Variants in IBTK observed in about 807,000 individuals in gnomAD.
The protein encoded by IBTK is BTK-binding protein.
Under a neutral mutation model 154.9 loss-of-function variants are expected in IBTK, and 83 were observed. That is an observed-to-expected ratio of 0.54 (90% CI 0.45 to 0.64). IBTK has a LOEUF of 0.64. Among genes scored for constraint, IBTK ranks in the 30% least tolerant of loss-of-function variants. The pLI, the probability that IBTK is intolerant of heterozygous loss-of-function variation, is 0.00. For synonymous variants in IBTK, 515 were observed against 536.1 expected (o/e 0.96, Z 0.54); for missense variants, 1,332 against 1,584.6 (o/e 0.84, Z 2.71).
At chr6:82,209,094 G>A (rs369865395) in intron 16 of IBTK, among the ~76,000 whole-genome samples, 105 of 152,310 alleles carry the variant, frequency 6.9e-4, no homozygotes, top group African/African-American at 2.4e-3. Flanking sequence ...GTAAGTGCTT[G>A]CAAGGATGTG....
rs1769933662 is a variant in IBTK at position 82,217,974 on chromosome 6, CTCTT to C, written c.1408_1411del (p.Lys470ValfsTer24). 1 of 1,594,598 alleles carries C rather than the reference CTCTT, an allele frequency of 6.3e-7. No homozygotes were observed. Among genetic ancestry groups the C allele is most frequent in the East Asian group, 2.2e-5 (1 of 44,548 alleles). ...TATGAACTGACCTTTCTTTTCAGAA[CTCTT>C]TCTTTTCTCTTCAAACCATCTCCCT... On this transcript the variant is annotated frameshift_variant, in exon 10 of 29. Transcript: ENST00000306270. LOFTEE classifies it high-confidence loss of function.
intron 2 of IBTK, among the ~76,000 whole-genome samples, chr6:82,234,976 T>C (rs2127826742): frequency 6.6e-6 from 1 of 152,112 alleles, no homozygotes; most frequent in Middle Eastern, 3.4e-3. Context: ...TTCTCCTGAC[T>C]CAGCCTCCCG....
Position 82,214,216 on chromosome 6 carries a change from A to G in IBTK, c.2204+11T>C. ...TGAGGTACAGGAACAGATATAAAAG[A>G]GAAATCATACCTACTACTCAAATTA... On this transcript the variant is annotated intron_variant, in intron 12 of 28. Coordinates refer to ENST00000306270, the MANE Select transcript of IBTK (RefSeq NM_015525.4). 2.5e-6 allele frequency: 4 copies of G among 1,597,746 alleles called. No homozygotes were observed. The highest frequency in any genetic ancestry group is 3.4e-6 in the Non-Finnish European group (4 of 1,174,072).
intron 26 of IBTK, chr6:82,174,954 A>G (rs1289924950): frequency 2.2e-6 from 1 of 455,848 alleles, no homozygotes; most frequent in Admixed American, 2.4e-5. Flanking sequence ...ATGTCTTCTC[A>G]CTCTTTTACA....
At chr6:82,209,273 T>G (rs531561461) in intron 16 of IBTK, among the ~76,000 whole-genome samples, 2 of 152,006 alleles carry the variant, frequency 1.3e-5, no homozygotes, top group Non-Finnish European at 2.9e-5. Context: ...TAGGCATGAG[T>G]GTTCACAGCA....
At chr6:82,244,178 A>C (rs1055939734) in intron 1 of IBTK, among the ~76,000 whole-genome samples, 3 of 152,240 alleles carry the variant, frequency 2.0e-5, no homozygotes, top group Admixed American at 1.3e-4. Flanking sequence ...GGTACCTGGC[A>C]CTAAATATGC....
At chr6:82,225,238 G>T (rs1770250162) in intron 6 of IBTK, among the ~76,000 whole-genome samples, 1 of 151,872 alleles carries the variant, frequency 6.6e-6, no homozygotes, top group African/African-American at 2.4e-5. Flanking sequence ...TGAACCCGAG[G>T]GGCAGAGGTT....
chr6:82,173,807 A>G (rs144263154), intron 26 of IBTK, among the ~76,000 whole-genome samples: 1 of 152,164 alleles, frequency 6.6e-6, no homozygotes, highest in East Asian at 1.9e-4. Flanking sequence ...TATGATCTTT[A>G]CCTTCTAAGA....
chr6:82,230,731 G>A (rs185950610), intron 4 of IBTK, among the ~76,000 whole-genome samples: 4 of 152,228 alleles, frequency 2.6e-5, no homozygotes, highest in Admixed American at 2.6e-4. Flanking sequence ...CTGAAATAAA[G>A]TTCAAGAGAA....
At chr6:82,220,740 A>T (rs1770067109) in intron 8 of IBTK, 27 bp from the exon 9 acceptor site, 1 of 1,515,336 alleles carries the variant, frequency 6.6e-7, no homozygotes, top group East Asian at 2.3e-5. Context: ...AAAATCCTAG[A>T]TTAATATGTT....
chr6:82,229,913 T>C (rs945231361), intron 4 of IBTK, among the ~76,000 whole-genome samples: 2 of 152,202 alleles, frequency 1.3e-5, no homozygotes, highest in African/African-American at 2.4e-5. Flanking sequence ...AAGGATTCTA[T>C]TGCTTTTTTT....
At chr6:82,204,814 T>G in intron 17 of IBTK, 43 bp downstream of exon 17, 4 of 1,208,282 alleles carry the variant, frequency 3.3e-6, no homozygotes, top group Non-Finnish European at 4.7e-6. Context: ...TAATCCTTGA[T>G]GAACCTGAAA....
At position 82,181,846 on chromosome 6, in the gene IBTK, G is replaced by A. The variant is rs778490122; in HGVS notation, c.3725+33C>T. 5.9e-5 allele frequency: 84 copies of A among 1,433,956 alleles called. No homozygotes were observed. The Admixed American group carries it at 6.7e-4, about 11-fold the overall frequency. 88.8% of individuals were successfully genotyped at this position (1,433,956 alleles called of 1,614,324 possible). The stretch of plus-strand genomic sequence containing the variant: ...AACCACCACAGAATATTTTAAGGTA[G>A]AAAATGTATTAGTTTTAAGTTTGTT... On this transcript the variant is annotated intron_variant, in intron 26 of 28. Coordinates refer to ENST00000306270, the MANE Select transcript of IBTK (RefSeq NM_015525.4).
chr6:82,218,610 T>A (rs1370159388), intron 9 of IBTK, among the ~76,000 whole-genome samples: 1 of 152,150 alleles, frequency 6.6e-6, no homozygotes, highest in Admixed American at 6.6e-5. Flanking sequence ...CTTAGAAAAG[T>A]CATTACAGAA....
rs577636006 is a variant in IBTK at position 82,224,994 on chromosome 6, C to A, written c.825+483G>T. ...TGCTAATATGTACTATGCTTAATTT[C>A]TCCTGTTAAAAATAAAGACAACAGG... On this transcript the variant is annotated intron_variant, in intron 6 of 28. Transcript: ENST00000306270. 3.9e-5 allele frequency among the ~76,000 whole-genome samples: 6 copies of A among 152,128 alleles called. No individual in the cohort carries two copies. In the South Asian group the frequency reaches 6.2e-4, roughly 16 times the overall value.
In IBTK at chr6:82,210,922, A is replaced by G. The variant is rs1769611985; in HGVS notation, c.2413-12T>C. The G allele has an allele frequency of 4.9e-6, 7 of 1,435,618 alleles. No individual in the cohort carries two copies. In the East Asian group the frequency reaches 1.2e-4, roughly 24 times the overall value. The allele number at this position is 1,435,618 out of a possible 1,614,324, so 88.9% of individuals were successfully genotyped here. A position where few individuals can be genotyped will look rare whatever the true frequency, so the allele number is the denominator to read the frequency against. On this transcript the variant is annotated splice_polypyrimidine_tract_variant and intron_variant, in intron 15 of 28. Coordinates refer to ENST00000306270, the MANE Select transcript of IBTK (RefSeq NM_015525.4). ...GCACAACTGGAAGCCTAAATAAAAT[A>G]AGACAAAATAAAGTAAAATAATTCA...
intron 2 of IBTK, among the ~76,000 whole-genome samples, chr6:82,239,416 G>A (rs939558873): frequency 6.6e-6 from 1 of 152,102 alleles, no homozygotes; most frequent in South Asian, 2.1e-4. Context: ...CAGCACTCCA[G>A]CCTCGGCGAC....
At position 82,246,441 on chromosome 6, in the gene IBTK, C is replaced by CTCTTTTTTT. The variant is rs780889890; in HGVS notation, c.-358+1120_-358+1121insAAAAAAAGA. Among the ~76,000 whole-genome samples, 124 of 111,664 alleles carry CTCTTTTTTT rather than the reference C, an allele frequency of 1.1e-3. 10 individuals are homozygous for CTCTTTTTTT. Among genetic ancestry groups the CTCTTTTTTT allele is most frequent in the South Asian group, 5.1e-3 (17 of 3,356 alleles). The allele number at this position is 111,664 out of a possible 152,430, so 73.3% of individuals were successfully genotyped here. ...CCCAGACTGCTGGGATTACAGGCAT[C>CTCTTTTTTT]TTTTTTTTTTTTTTTTTTTTTGAGA... On this transcript the variant is annotated intron_variant, in intron 1 of 28. Transcript: ENST00000306270.
intron 4 of IBTK, among the ~76,000 whole-genome samples, chr6:82,231,511 T>C (rs1014816279): frequency 3.3e-5 from 5 of 152,206 alleles, no homozygotes; most frequent in African/African-American, 9.6e-5. Context: ...ACAAATATCT[T>C]ATATTTTAGG....
Sources: allele counts gnomAD v4.1 joint callset (sites outside exome capture counted in the v4.1 genomes callset), GRCh38; gene constraint gnomAD v4.1.1; transcripts MANE v1.5; gene names NCBI Gene and HGNC (gene_info 2026-07-23, HGNC 2026-07-21).